Variants in ADRM1 observed in about 807,000 individuals in gnomAD.
ADRM1 encodes proteasomal ubiquitin receptor ADRM1.
Under a neutral mutation model 40.1 loss-of-function variants are expected in ADRM1, and 2 were observed. The observed-to-expected ratio is 0.05, with a 90% CI of 0.02 to 0.16. The LOEUF (loss-of-function observed/expected upper bound fraction) is 0.16, where lower values mean the gene tolerates loss of function less well. Ranked by LOEUF, ADRM1 falls within the 10% of genes least tolerant of loss-of-function variation. The pLI is 1.00. For synonymous variants in ADRM1, 287 were observed against 240.4 expected (o/e 1.19, Z -1.79); for missense variants, 467 against 552.5 (o/e 0.85, Z 1.55).
Position 62,307,732 on chromosome 20 carries a change from A to C in ADRM1, c.760A>C (p.Thr254Pro), listed in dbSNP as rs1568875551. 1 of 1,612,022 alleles carries C rather than the reference A, an allele frequency of 6.2e-7. No individual in the cohort carries two copies. The highest frequency in any genetic ancestry group is 1.7e-5 in the Admixed American group (1 of 59,978). Residue 254 changes from threonine (T) to proline (P), a missense_variant, in exon 7 of 10, where the codon ACA becomes CCA. Physicochemically the swap from Thr to Pro is conservative, Grantham distance 38. Coordinates refer to ENST00000253003, the MANE Select transcript of ADRM1 (RefSeq NM_007002.4). ...GCCCAGTTCCGGGAATGGAGCCAGCACAGCAGCCAGCCCGACCCAGCCCAT... is the reference window on the plus strand; with the variant it reads ...GCCCAGTTCCGGGAATGGAGCCAGCCCAGCAGCCAGCCCGACCCAGCCCAT... ...PAPSSGNGASTAASPTQPIQL... is the reference protein window; with the variant it reads ...PAPSSGNGASPAASPTQPIQL...
At chr20:62,307,874 G>A (rs757003751) in intron 7 of ADRM1, 46 bp downstream of exon 7, 10 of 1,565,002 alleles carry the variant, frequency 6.4e-6, no homozygotes, top group Non-Finnish European at 8.7e-6. Flanking sequence ...CATGGGGCCT[G>A]CTGACCCTCG....
intron 5 of ADRM1, 41 bp from the exon 6 acceptor site, chr20:62,307,330 C>A: frequency 6.3e-7 from 1 of 1,576,846 alleles, no homozygotes; most frequent in Non-Finnish European, 8.6e-7. Context: ...TTCTGGTGGG[C>A]TAGAGGGCAT....
intron 2 of ADRM1, chr20:62,304,014 G>T (rs1361640248): frequency 7.1e-6 from 4 of 567,262 alleles, no homozygotes; most frequent in Non-Finnish European, 3.2e-6. Flanking sequence ...GCCCTGGAGA[G>T]CCCGGAGCTC....
rs1250507356 is a variant in ADRM1 at position 62,307,839 on chromosome 20, C to T, written c.856+11C>T. ...CAGGCGGCCAGCAAGGTAACGTGTG[C>T]TGTCGCCTGGAGCTGGGTGGGGGGC... On this transcript the variant is annotated intron_variant, in intron 7 of 9. Coordinates refer to ENST00000253003, the MANE Select transcript of ADRM1 (RefSeq NM_007002.4). 6.3e-7 allele frequency: 1 copy of T among 1,591,324 alleles called. No homozygotes were observed. Among genetic ancestry groups the T allele is most frequent in the Non-Finnish European group, 8.5e-7 (1 of 1,169,768 alleles).
chr20:62,306,495 G>GGTA, intron 4 of ADRM1, 153 bp from the exon 5 acceptor site: 1 of 1,289,164 alleles, frequency 7.8e-7, no homozygotes. Flanking sequence ...GGGGTAGGAC[G>GGTA]GGTCTGCATC....
chr20:62,306,510 C>T (rs1188659073), intron 4 of ADRM1, 138 bp from the exon 5 acceptor site: 52 of 1,268,412 alleles, frequency 4.1e-5, no homozygotes, highest in African/African-American at 1.0e-4. Flanking sequence ...TGCATCCCAC[C>T]GTCGCCTCAC....
intron 1 of ADRM1, 177 bp from the exon 2 acceptor site, chr20:62,303,391 G>T: frequency 1.7e-6 from 1 of 604,434 alleles, no homozygotes; most frequent in Non-Finnish European, 2.8e-6. Flanking sequence ...CGCCGAGTGC[G>T]GGCGGTGCGA....
intron 3 of ADRM1, 92 bp from the exon 4 acceptor site, chr20:62,306,105 T>C: frequency 6.6e-7 from 1 of 1,525,610 alleles, no homozygotes; most frequent in Non-Finnish European, 8.8e-7. Context: ...GCGTCTCAGG[T>C]CCCTCACCTG....
Position 62,303,733 on chromosome 20 carries a change from G to A in ADRM1, c.165G>A (p.Ser55=). The change falls in exon 2 of 10, where the codon TCG becomes TCA. Residue 55 remains serine, a synonymous_variant. Transcript: ENST00000253003. ...TGTACATTCAGCAGACGGACGACTC[G>A]CTTATTCACTTCTGCTGGAAGGACA... ...GLVYIQQTDD[S]LIHFCWKDRT... is the part of the protein sequence containing the mutation. 1 of 1,612,264 alleles carries A rather than the reference G, an allele frequency of 6.2e-7. No individual in the cohort carries two copies. The highest frequency in any genetic ancestry group is 8.5e-7 in the Non-Finnish European group (1 of 1,179,958).
intron 5 of ADRM1, 88 bp downstream of exon 5, chr20:62,306,822 C>G: frequency 2.0e-5 from 25 of 1,272,166 alleles, no homozygotes; most frequent in Non-Finnish European, 2.6e-5. Flanking sequence ...TCTGCTGGCT[C>G]TGTCTGCGTA....
chr20:62,306,532 C>T lies in ADRM1; in HGVS notation c.455-116C>T, dbSNP rs773854366. On this transcript the variant is annotated intron_variant, in intron 4 of 9. Transcript: ENST00000253003. Reference sequence around the variant, plus strand: ...CACCGTCGCCTCACTTCAAGTGGTGCCCCCTGTAGGGTTCAGGGGCAGCCG... The same window carrying T: ...CACCGTCGCCTCACTTCAAGTGGTGTCCCCTGTAGGGTTCAGGGGCAGCCG... 5 of 1,289,256 alleles carry T rather than the reference C, an allele frequency of 3.9e-6. No homozygotes were observed. The South Asian group carries it at 4.0e-5, about 10-fold the overall frequency. The allele number at this position is 1,289,256 out of a possible 1,614,324, so 79.9% of individuals were successfully genotyped here.
chr20:62,307,877 G>C (rs186054840), intron 7 of ADRM1, 49 bp downstream of exon 7: 2 of 1,565,108 alleles, frequency 1.3e-6, no homozygotes, highest in Admixed American at 3.7e-5. Flanking sequence ...GGGGCCTGCT[G>C]ACCCTCGCAC....
In ADRM1 at chr20:62,308,121, G is replaced by A. The variant is rs147500180; in HGVS notation, c.957G>A (p.Ser319=). 36 of 1,610,250 alleles carry A rather than the reference G, an allele frequency of 2.2e-5. No individual in the cohort carries two copies. The highest frequency in any genetic ancestry group is 8.8e-5 in the South Asian group (8 of 90,974). The change falls in exon 8 of 10, where the codon TCG becomes TCA. Residue 319 remains serine (S), a synonymous_variant. Transcript: ENST00000253003. Reference sequence around the variant, plus strand: ...TTCCCTACTTGCCATCTGGGGAGTCGCTGCCGCAGACCGCGGATGAGATCC... The same window carrying A: ...TTCCCTACTTGCCATCTGGGGAGTCACTGCCGCAGACCGCGGATGAGATCC... The part of the protein sequence containing the change: ...RLLPYLPSGE[S]LPQTADEIQN...
At position 62,307,800 on chromosome 20, in the gene ADRM1, ACCAGCCGGG is replaced by A. The variant is rs1470945947; in HGVS notation, c.834_842del (p.Pro280_Gly282del). Reference sequence around the variant, plus strand: ...AGAGCATCCTGGCCACGATGAACGTACCAGCCGGGCCAGCAGGCGGCCAGCAAGGTAACG... The same window carrying A: ...AGAGCATCCTGGCCACGATGAACGTACCAGCAGGCGGCCAGCAAGGTAACG... On this transcript the variant is annotated inframe_deletion, in exon 7 of 10. Coordinates refer to ENST00000253003, the MANE Select transcript of ADRM1 (RefSeq NM_007002.4). 4 of 1,609,262 alleles carry A rather than the reference ACCAGCCGGG, an allele frequency of 2.5e-6. No homozygotes were observed. The highest frequency in any genetic ancestry group is 3.4e-6 in the Non-Finnish European group (4 of 1,178,796).
At chr20:62,307,940 T>C (rs536215535) in intron 7 of ADRM1, 81 bp from the exon 8 acceptor site, 2 of 1,556,918 alleles carry the variant, frequency 1.3e-6, no homozygotes, top group African/African-American at 1.3e-5. Context: ...GCTGGGGCCA[T>C]GGGCTGAGTC....
chr20:62,308,419 A>G lies in ADRM1; in HGVS notation c.1066A>G (p.Met356Val). 4 of 1,609,940 alleles carry G rather than the reference A, an allele frequency of 2.5e-6. No homozygotes were observed. The highest frequency in any genetic ancestry group is 3.4e-6 in the Non-Finnish European group (4 of 1,179,302). The change falls in exon 9 of 10, where the codon ATG becomes GTG. Residue 356 changes from methionine to valine, a missense_variant. Met to Val is a conservative substitution (Grantham distance 21, BLOSUM62 1). Coordinates refer to ENST00000253003, the MANE Select transcript of ADRM1 (RefSeq NM_007002.4). ...ALASGQLGPLMCQFGLPAEAV... is the reference protein window; with the variant it reads ...ALASGQLGPLVCQFGLPAEAV... The stretch of plus-strand genomic sequence containing the variant: ...GGCCTCGGGGCAGCTGGGCCCCCTC[A>G]TGTGCCAGTTCGGTCTGCCTGCAGA...
At chr20:62,306,405 T>G (rs1197358203) in intron 4 of ADRM1, 85 bp downstream of exon 4, 1 of 1,600,542 alleles carries the variant, frequency 6.2e-7, no homozygotes, top group Non-Finnish European at 8.5e-7. Context: ...CAGCACAGGT[T>G]GTTTGGAAGT....
Position 62,307,412 on chromosome 20 carries a change from C to A in ADRM1, c.583C>A (p.Leu195Met). 6.2e-7 allele frequency: 1 copy of A among 1,606,034 alleles called. No individual in the cohort carries two copies. Among genetic ancestry groups the A allele is most frequent in the Non-Finnish European group, 8.5e-7 (1 of 1,178,262 alleles). ...GACTGGACCTGGCCTGGCCAGCTTA[C>A]TGGGGAGCAGTGGGCCTCCAGGGAG... ...ALTGPGLASL[L>M]GSSGPPGSSS... Residue 195 changes from leucine to methionine, a missense_variant, in exon 6 of 10, where the codon CTG (leucine) becomes ATG (methionine). By Grantham distance (15) the Leu-to-Met change is conservative. Transcript: ENST00000253003.
rs999332252 is a variant in ADRM1, at chr20:62,303,550, T to G, written c.-1-18T>G. ...CGACAGTGACCGCCGCGTCTCAGCG[T>G]CCTCTCCGCGCTTTCAGGATGACGA... On this transcript the variant is annotated intron_variant, in intron 1 of 9. Coordinates refer to ENST00000253003, the MANE Select transcript of ADRM1 (RefSeq NM_007002.4). 3 of 1,556,912 alleles carry G rather than the reference T, an allele frequency of 1.9e-6. No homozygotes were observed. The African/African-American group carries it at 4.1e-5, about 21-fold the overall frequency.
Sources: gnomAD v4.1 joint callset for allele counts on GRCh38, gnomAD v4.1.1 for gene constraint, MANE v1.5 for transcripts, NCBI Gene and HGNC (gene_info 2026-07-23, HGNC 2026-07-21) for gene names.